The following NFE2L3 variants were observed in gnomAD, a reference collection of about 807,000 sequenced individuals.
NFE2L3 encodes the protein NFE2 like bZIP transcription factor 3.
Under a neutral mutation model 23.5 loss-of-function variants are expected in NFE2L3, and 18 were observed. That is an observed-to-expected ratio of 0.77 (90% confidence interval 0.53 to 1.13). The LOEUF (loss-of-function observed/expected upper bound fraction) is 1.13, where lower values mean the gene tolerates loss of function less well. Among genes scored for constraint, NFE2L3 ranks in the 50% most tolerant of loss-of-function variants. The probability of loss-of-function intolerance (pLI) is 0.00; values close to 1 mark genes in which losing one functional copy is unlikely to be tolerated. For synonymous variants in NFE2L3, 424 were observed against 354.5 expected (o/e 1.20, Z -2.20); for missense variants, 1,152 against 877.2 (o/e 1.31, Z -3.96).
intron 1 of NFE2L3, 132 bp downstream of exon 1, chr7:26,153,200 C>CTGCGAACCT: frequency 2.3e-6 from 2 of 878,542 alleles, no homozygotes; most frequent in Non-Finnish European, 3.2e-6. Flanking sequence ...TTTGCAGGTT[C>CTGCGAACCT]GCAGATGCTG....
Position 26,184,604 on chromosome 7 carries a change from T to G in NFE2L3, c.906T>G (p.His302Gln), listed in dbSNP as rs201667846. 2 of 1,613,934 alleles carry G rather than the reference T, an allele frequency of 1.2e-6. No homozygotes were observed. Among genetic ancestry groups the G allele is most frequent in the Non-Finnish European group, 1.7e-6 (2 of 1,179,806 alleles). The change falls in exon 4 of 4, where the codon CAT becomes CAG. Residue 302 changes from histidine (H) to glutamine (Q), a missense_variant. Physicochemically the swap from His to Gln is conservative, Grantham distance 24 (BLOSUM62 0). Coordinates refer to ENST00000056233, the MANE Select transcript of NFE2L3 (RefSeq NM_004289.7). ...GCATGAATTCTTCAGCACATTATCA[T>G]GTAAACTTCAGCCAGGCTATAAGTC... Reference protein sequence around the residue: ...SDGMNSSAHYHVNFSQAISQD... With the variant: ...SDGMNSSAHYQVNFSQAISQD...
At chr7:26,181,164 G>A (rs1453545879) in intron 2 of NFE2L3, among the ~76,000 whole-genome samples, 3 of 152,058 alleles carry the variant, frequency 2.0e-5, no homozygotes, top group Non-Finnish European at 2.9e-5. Flanking sequence ...TTCAGTAGAA[G>A]TGGGGTTTCA....
chr7:26,184,045 C>G (rs768297002), intron 3 of NFE2L3: 4 of 479,000 alleles, frequency 8.4e-6, no homozygotes, highest in Non-Finnish European at 1.1e-5. Flanking sequence ...AGGTATTTAT[C>G]CAAAGGAAAG....
In NFE2L3 at chr7:26,186,295, TAAC is replaced by T. The variant is rs1231769239; in HGVS notation, c.*513_*515del. ...TAAATTTTGTATTTGTATTAAAAAT[TAAC>T]TTTTCCCTTTTATACAGAATCTGAA... On this transcript the variant is annotated 3_prime_UTR_variant, in exon 4 of 4. Coordinates refer to ENST00000056233, the MANE Select transcript of NFE2L3 (RefSeq NM_004289.7). The T allele has an allele frequency of 6.6e-6, 1 of 152,280 alleles. No individual in the cohort carries two copies. Among genetic ancestry groups the T allele is most frequent in the East Asian group, 1.9e-4 (1 of 5,208 alleles). The allele number at this position is 152,280 out of a possible 1,614,324, so 9.4% of individuals were successfully genotyped here. A position where few individuals can be genotyped will look rare whatever the true frequency, so the allele number is the denominator to read the frequency against.
rs1478211416 is a variant in NFE2L3 at position 26,185,707 on chromosome 7, G to A, written c.2009G>A (p.Gly670Glu). 6.2e-7 allele frequency: 1 copy of A among 1,613,664 alleles called. No individual in the cohort carries two copies. The highest frequency in any genetic ancestry group is 1.7e-5 in the Admixed American group (1 of 59,980). The change falls in exon 4 of 4, where the codon GGA becomes GAA. Residue 670 changes from glycine (G) to glutamate (E), a missense_variant. Physicochemically the swap from Gly to Glu is moderately conservative, Grantham distance 98 (BLOSUM62 -2). Transcript: ENST00000056233. ...NHYALQCTHDGSILIVPKELV... is the reference protein window; with the variant it reads ...NHYALQCTHDESILIVPKELV... The stretch of plus-strand genomic sequence containing the variant: ...TATGCTCTCCAGTGTACCCATGATG[G>A]AAGTATCTTGATAGTACCCAAAGAA...
intron 2 of NFE2L3, among the ~76,000 whole-genome samples, chr7:26,183,350 C>G (rs1041645373): frequency 1.3e-5 from 2 of 150,106 alleles, no homozygotes; most frequent in African/African-American, 2.4e-5. Flanking sequence ...AAGTTCGAGA[C>G]CAACTTGGCC....
chr7:26,179,495 G>A (rs1482532884), intron 2 of NFE2L3, among the ~76,000 whole-genome samples: 11 of 145,544 alleles, frequency 7.6e-5, no homozygotes, highest in Non-Finnish European at 1.2e-4. Context: ...GTGAGACCCT[G>A]TCTCAAAAAA....
At chr7:26,175,252 T>C (rs11975011) in intron 1 of NFE2L3, among the ~76,000 whole-genome samples, 5,531 of 150,726 alleles carry the variant, frequency 0.037, 112 homozygotes, top group Middle Eastern at 0.058. Context: ...CCCAGCTACT[T>C]GGGAGGCTGA....
In NFE2L3 at chr7:26,152,765, C is replaced by T; in HGVS notation, c.267C>T (p.Gly89=). 1.4e-6 allele frequency: 2 copies of T among 1,478,832 alleles called. No individual in the cohort carries two copies. Among genetic ancestry groups the T allele is most frequent in the Non-Finnish European group, 1.8e-6 (2 of 1,122,440 alleles). 91.6% of individuals were successfully genotyped at this position (1,478,832 alleles called of 1,614,324 possible). A position where few individuals can be genotyped will look rare whatever the true frequency, so the allele number is the denominator to read the frequency against. The change falls in exon 1 of 4, where the codon GGC becomes GGT. Residue 89 remains glycine, a synonymous_variant. Transcript: ENST00000056233. The surrounding 1 kb of genome is among the most constrained non-coding windows in gnomAD (Gnocchi z 4.4). ...TGGACCCTGCCGCGCCGCCCGAGGG[C>T]CAGCTGCTCCGGGAGGTGCGCGCGC... The part of the protein sequence containing the change: ...RELDPAAPPE[G]QLLREVRALG...
intron 1 of NFE2L3, 115 bp from the exon 2 acceptor site, chr7:26,177,828 T>TA: frequency 1.2e-6 from 1 of 866,454 alleles, no homozygotes; most frequent in South Asian, 1.7e-5. Flanking sequence ...GATACTGAAA[T>TA]ATTGAAATGC....
intron 2 of NFE2L3, among the ~76,000 whole-genome samples, chr7:26,181,314 C>T (rs1297848669): frequency 3.9e-5 from 6 of 152,096 alleles, no homozygotes; most frequent in African/African-American, 1.4e-4. Flanking sequence ...TATTTCTGTT[C>T]TTTTATTGGG....
intron 1 of NFE2L3, among the ~76,000 whole-genome samples, chr7:26,172,588 G>A (rs1180700855): frequency 6.6e-6 from 1 of 152,154 alleles, no homozygotes; most frequent in Non-Finnish European, 1.5e-5. Flanking sequence ...CTGTAATGTG[G>A]AAACACTCCT....
intron 2 of NFE2L3, among the ~76,000 whole-genome samples, chr7:26,178,810 G>A (rs755583474): frequency 6.6e-6 from 1 of 152,090 alleles, no homozygotes; most frequent in Admixed American, 6.6e-5. Flanking sequence ...ACAGGCACTC[G>A]AGATATTTAA....
In NFE2L3 at chr7:26,152,988, C is replaced by T; in HGVS notation, c.490C>T (p.Pro164Ser). 1 of 1,516,236 alleles carries T rather than the reference C, an allele frequency of 6.6e-7. No homozygotes were observed. Among genetic ancestry groups the T allele is most frequent in the South Asian group, 1.2e-5 (1 of 83,186 alleles). 93.9% of individuals were successfully genotyped at this position (1,516,236 alleles called of 1,614,324 possible). A position where few individuals can be genotyped will look rare whatever the true frequency, so the allele number is the denominator to read the frequency against. The change falls in exon 1 of 4, where the codon CCC (proline) becomes TCC (serine). Residue 164 changes from proline (P) to serine (S), a missense_variant. Physicochemically the swap from Pro to Ser is moderately conservative, Grantham distance 74. Transcript: ENST00000056233. The surrounding 1 kb of genome is among the most constrained non-coding windows in gnomAD (Gnocchi z 4.4). ...GGACCCCCGAGCGGCTCGGAGTGGC[C>T]CCTTGGACGCCGGGGAAGAGGAGAA... ...GGDPRAARSGPLDAGEEEKAP... is the reference protein window; with the variant it reads ...GGDPRAARSGSLDAGEEEKAP...
chr7:26,167,786 G>A (rs984134531), intron 1 of NFE2L3, among the ~76,000 whole-genome samples: 1 of 152,122 alleles, frequency 6.6e-6, no homozygotes, highest in Non-Finnish European at 1.5e-5. Flanking sequence ...GCTTTCTCTT[G>A]AAATCCGGAT....
chr7:26,178,371 G>C (rs1050550009), intron 2 of NFE2L3, among the ~76,000 whole-genome samples: 1 of 152,148 alleles, frequency 6.6e-6, no homozygotes, highest in Non-Finnish European at 1.5e-5. Flanking sequence ...CCCCTTCCAG[G>C]ACCTTGCTAG....
At chr7:26,183,851 C>T (rs778659348) in intron 3 of NFE2L3, 67 bp downstream of exon 3, 1 of 1,009,698 alleles carries the variant, frequency 9.9e-7, no homozygotes, top group East Asian at 2.4e-5. Flanking sequence ...TGAACAAATA[C>T]AACTCCTTTA....
chr7:26,181,277 A>G (rs1376082621), intron 2 of NFE2L3, among the ~76,000 whole-genome samples: 1 of 152,174 alleles, frequency 6.6e-6, no homozygotes, highest in Non-Finnish European at 1.5e-5. Flanking sequence ...GCACCCAGCC[A>G]CATTTCTTAT....
intron 1 of NFE2L3, among the ~76,000 whole-genome samples, chr7:26,166,319 G>C (rs1784251525): frequency 6.6e-6 from 1 of 152,120 alleles, no homozygotes; most frequent in African/African-American, 2.4e-5. Flanking sequence ...TGGAGGAAAT[G>C]CTCTGACCTC....
Sources: allele counts gnomAD v4.1 joint callset (sites outside exome capture counted in the v4.1 genomes callset), GRCh38; gene constraint gnomAD v4.1.1; non-coding constraint Gnocchi (gnomAD v3.1); transcripts MANE v1.5; gene names NCBI Gene and HGNC (gene_info 2026-07-23, HGNC 2026-07-21).